SMTN: variants seen among roughly 807,000 people sequenced by gnomAD.
SMTN encodes the protein smoothelin.
A neutral mutation model predicts 102.0 loss-of-function variants in SMTN; 58 were observed. The observed-to-expected ratio is 0.57, with a 90% CI of 0.46 to 0.71. The LOEUF is 0.71. Among genes scored for constraint, SMTN ranks in the 30% least tolerant of loss-of-function variants. The pLI, the probability that SMTN is intolerant of heterozygous loss-of-function variation, is 0.00. For missense variants in SMTN, 1,185 were observed against 1,241.7 expected (o/e 0.95, Z 0.69); for synonymous variants, 478 against 497.9 (o/e 0.96, Z 0.53).
Position 31,104,358 on chromosome 22 carries a change from G to A in SMTN, c.*63G>A. 1 of 1,614,198 alleles carries A rather than the reference G, an allele frequency of 6.2e-7. No homozygotes were observed. The highest frequency in any genetic ancestry group is 8.5e-7 in the Non-Finnish European group (1 of 1,180,022). ...TGCCCCTGGTGGAGGTGGACGACATGATGATCATGGGCAAGAAGCCTGACC... is the reference window on the plus strand; with the variant it reads ...TGCCCCTGGTGGAGGTGGACGACATAATGATCATGGGCAAGAAGCCTGACC... On this transcript the variant is annotated 3_prime_UTR_variant, in exon 21 of 21. Transcript: ENST00000333137.
At chr22:31,090,254 A>G (rs2043021570) in intron 8 of SMTN, 74 bp downstream of exon 8, 8 of 1,303,040 alleles carry the variant, frequency 6.1e-6, no homozygotes, top group Non-Finnish European at 8.5e-6. Context: ...TGCCTAGAAA[A>G]TGGGCTCTTG....
intron 1 of SMTN, chr22:31,065,349 ATGTT>A (rs1197763241): frequency 5.9e-5 from 9 of 151,948 alleles, no homozygotes; most frequent in African/African-American, 2.2e-4. Flanking sequence ...CATTTACGGT[ATGTT>A]TGTTTGTTTT....
chr22:31,084,526 A>G (rs1163921496), intron 2 of SMTN, among the ~76,000 whole-genome samples: 1 of 152,178 alleles, frequency 6.6e-6, no homozygotes, highest in African/African-American at 2.4e-5. Context: ...TTAGGTTTCC[A>G]AAGGTGCCCG....
At chr22:31,091,921 C>T (rs2043170091) in intron 11 of SMTN, 74 bp downstream of exon 11, 1 of 1,342,510 alleles carries the variant, frequency 7.4e-7, no homozygotes, top group South Asian at 1.5e-5. Flanking sequence ...GTAGGGCTAG[C>T]AGGGTTCCTC....
At chr22:31,098,903 C>A (rs899084688) in intron 17 of SMTN, 63 bp downstream of exon 17, 37 of 1,552,002 alleles carry the variant, frequency 2.4e-5, no homozygotes, top group Non-Finnish European at 3.0e-5. Flanking sequence ...GGGGGCGGGG[C>A]TTGATAGTTG....
rs539060572 is a variant in SMTN, at chr22:31,095,723, TCTC to T, written c.1861+117_1861+119del. The T allele has an allele frequency of 4.2e-5, 37 of 879,682 alleles. 1 individual carries two copies. The South Asian group carries it at 4.2e-4, about 10-fold the overall frequency. The allele number at this position is 879,682 out of a possible 1,614,324, so 54.5% of individuals were successfully genotyped here. ...AGCTTAATAACTGCCCTACCCAGCT[TCTC>T]CTTCTCTAGACCCAGCAGTTCCCTT... On this transcript the variant is annotated intron_variant, in intron 13 of 20. Transcript: ENST00000333137. This position sits in a 1 kb window ranked among gnomAD's most constrained non-coding sequence, Gnocchi z 4.1.
At chr22:31,098,587 C>CCCCT (rs2043795137) in intron 16 of SMTN, 80 bp from the exon 17 acceptor site, 1 of 1,432,616 alleles carries the variant, frequency 7.0e-7, no homozygotes, top group Non-Finnish European at 9.6e-7. Context: ...ACAAGACCCC[C>CCCCT]CCTCCTCCTC....
chr22:31,079,743 C>T (rs1217823760), upstream of SMTN, among the ~76,000 whole-genome samples: 1 of 152,158 alleles, frequency 6.6e-6, no homozygotes, highest in Non-Finnish European at 1.5e-5. Context: ...ATTGACAAGT[C>T]GCTTTCTTCT....
intron 2 of SMTN, chr22:31,084,895 T>C (rs2042561164): frequency 8.2e-7 from 1 of 1,217,114 alleles, no homozygotes; most frequent in Non-Finnish European, 1.1e-6. Flanking sequence ...CGGCCCCCGC[T>C]GGCCTCGTGG....
chr22:31,074,490 C>T (rs1035052977), intron 1 of SMTN, among the ~76,000 whole-genome samples: 7 of 150,572 alleles, frequency 4.6e-5, no homozygotes, highest in South Asian at 4.2e-4. Flanking sequence ...CATTTCCCTT[C>T]TATAAAACAG....
upstream of SMTN, among the ~76,000 whole-genome samples, chr22:31,077,492 A>G (rs1281908091): frequency 6.6e-6 from 1 of 152,166 alleles, no homozygotes; most frequent in Non-Finnish European, 1.5e-5. Context: ...TGAAGGTCAT[A>G]GTGGTAACAA....
chr22:31,088,831 C>A lies in SMTN; in HGVS notation c.374-41C>A, dbSNP rs1357884872. ...GCCCTGCTGTCTGCTGTCCACAGCACCTCCCTGTCACTCACCTGCCACTTG... is the reference window on the plus strand; with the variant it reads ...GCCCTGCTGTCTGCTGTCCACAGCAACTCCCTGTCACTCACCTGCCACTTG... On this transcript the variant is annotated intron_variant, in intron 5 of 20. Transcript: ENST00000333137. The A allele has an allele frequency of 1.9e-6, 3 of 1,608,574 alleles. No individual in the cohort carries two copies. The South Asian group carries it at 3.3e-5, about 18-fold the overall frequency.
Position 31,089,823 on chromosome 22 carries a change from C to A in SMTN, c.596C>A (p.Ser199Tyr), listed in dbSNP as rs2042978959. Residue 199 changes from serine to tyrosine, a missense_variant, in exon 7 of 21, where the codon TCC (serine) becomes TAC (tyrosine). Coordinates refer to ENST00000333137, the MANE Select transcript of SMTN (RefSeq NM_134269.3). ...LLLRAPPGST[S>Y]SSPASPSSSP... The stretch of plus-strand genomic sequence containing the variant: ...CTGCGAGCCCCACCTGGGAGCACAT[C>A]CAGCTCACCTGCCTCACCCAGCAGT... 1.2e-6 allele frequency: 2 copies of A among 1,613,608 alleles called. No homozygotes were observed. Among genetic ancestry groups the A allele is most frequent in the Non-Finnish European group, 1.7e-6 (2 of 1,179,992 alleles).
chr22:31,089,817 G>C lies in SMTN; in HGVS notation c.590G>C (p.Ser197Thr), dbSNP rs1231375042. ...CTCCTGCTGCGAGCCCCACCTGGGA[G>C]CACATCCAGCTCACCTGCCTCACCC... ...VTLLLRAPPG[S>T]TSSSPASPSS... Residue 197 changes from serine (S) to threonine (T), a missense_variant, in exon 7 of 21, where the codon AGC (serine) becomes ACC (threonine). By Grantham distance (58) the Ser-to-Thr change is moderately conservative. Coordinates refer to ENST00000333137, the MANE Select transcript of SMTN (RefSeq NM_134269.3). 1 of 1,613,666 alleles carries C rather than the reference G, an allele frequency of 6.2e-7. No homozygotes were observed. Among genetic ancestry groups the C allele is most frequent in the Non-Finnish European group, 8.5e-7 (1 of 1,179,966 alleles).
chr22:31,088,095 A>T lies in SMTN; in HGVS notation c.182A>T (p.Asn61Ile). 1 of 1,605,144 alleles carries T rather than the reference A, an allele frequency of 6.2e-7. No homozygotes were observed. The highest frequency in any genetic ancestry group is 8.5e-7 in the Non-Finnish European group (1 of 1,174,020). ...SKRFRAERQD[N>I]KENWLHSQQR... ...CGTTTCCGTGCCGAGCGGCAGGACA[A>T]CAAGGAGAACTGGCTGCAGTGAGTA... Residue 61 changes from asparagine (N) to isoleucine (I), a missense_variant, in exon 3 of 21, where the codon AAC becomes ATC. Physicochemically the swap from Asn to Ile is moderately radical, Grantham distance 149. Around this residue, in one of 2 missense-constraint regions of SMTN, gnomAD observed 1,096 missense variants for 1,112.7 expected, o/e 0.98. Transcript: ENST00000333137.
At chr22:31,082,758 C>T (rs930717287) in intron 1 of SMTN, 18 of 1,054,198 alleles carry the variant, frequency 1.7e-5, no homozygotes, top group African/African-American at 3.2e-5. Flanking sequence ...GCTGAGCCTG[C>T]GGAGTGGGTG....
chr22:31,077,399 A>AC (rs944609803), upstream of SMTN, among the ~76,000 whole-genome samples: 5 of 151,958 alleles, frequency 3.3e-5, no homozygotes, highest in Admixed American at 6.5e-5. Context: ...ACAAAACAAA[A>AC]AAAAAAACAA....
intron 1 of SMTN, among the ~76,000 whole-genome samples, chr22:31,069,611 G>A (rs1213168321): frequency 6.6e-6 from 1 of 152,222 alleles, no homozygotes; most frequent in Non-Finnish European, 1.5e-5. Context: ...GAAGGAGTCA[G>A]GAAGGATGCT....
At position 31,091,858 on chromosome 22, in the gene SMTN, C is replaced by T. The variant is rs545665727; in HGVS notation, c.1632+11C>T. The T allele has an allele frequency of 6.4e-7, 1 of 1,559,450 alleles. No individual in the cohort carries two copies. Among genetic ancestry groups the T allele is most frequent in the East Asian group, 2.4e-5 (1 of 42,314 alleles). On this transcript the variant is annotated intron_variant, in intron 11 of 20. Transcript: ENST00000333137. ...GGCTGCAGCATCAAGGTGAGCCCCT[C>T]CTCACCCCACCAGCCTCACCATCCG...
Sources: allele counts gnomAD v4.1 joint callset (sites outside exome capture counted in the v4.1 genomes callset), GRCh38; gene constraint gnomAD v4.1.1; regional missense constraint gnomAD v4.1.1; non-coding constraint Gnocchi (gnomAD v3.1); transcripts MANE v1.5; gene names NCBI Gene and HGNC (gene_info 2026-07-23, HGNC 2026-07-21).